Variants in ANO2 observed in about 807,000 individuals in gnomAD.
ANO2 encodes anoctamin-2.
In ANO2, 101 loss-of-function variants were observed where a neutral mutation model predicts 124.2. The ratio of observed to expected loss-of-function variants is 0.81; its 90% CI spans 0.69 to 0.96. The LOEUF is 0.96. Among genes scored for constraint, ANO2 ranks in the 40% least tolerant of loss-of-function variants. The pLI is 0.00. For missense variants in ANO2, 1,293 were observed against 1,274.5 expected (o/e 1.01, Z -0.22); for synonymous variants, 486 against 482.5 (o/e 1.01, Z -0.09).
At chr12:5,901,889 T>G (rs1163225289) in intron 3 of ANO2, among the ~76,000 whole-genome samples, 1 of 152,220 alleles carries the variant, frequency 6.6e-6, no homozygotes, top group Non-Finnish European at 1.5e-5. Flanking sequence ...CAATTCCCCA[T>G]GTACATTAGA....
chr12:5,808,870 G>C (rs1049864723), intron 7 of ANO2, among the ~76,000 whole-genome samples: 1 of 152,002 alleles, frequency 6.6e-6, no homozygotes, highest in South Asian at 2.1e-4. Context: ...CTCAAACCTC[G>C]CCCCCATTTG....
chr12:5,692,842 A>C (rs1949002047), intron 14 of ANO2, among the ~76,000 whole-genome samples: 1 of 152,194 alleles, frequency 6.6e-6, no homozygotes, highest in African/African-American at 2.4e-5. Context: ...GAAAAGAGAG[A>C]CTGAGAACAA....
intron 9 of ANO2, among the ~76,000 whole-genome samples, chr12:5,801,986 C>G (rs1276616676): frequency 6.6e-6 from 1 of 152,172 alleles, no homozygotes; most frequent in Non-Finnish European, 1.5e-5. Flanking sequence ...GCAGGCAGGG[C>G]ACCCCCTCGA....
chr12:5,746,112 C>CT (rs1404801601), intron 11 of ANO2, among the ~76,000 whole-genome samples: 2 of 152,176 alleles, frequency 1.3e-5, no homozygotes, highest in African/African-American at 2.4e-5. Context: ...GCGGTTTTTT[C>CT]TTTTAAGCAT....
At chr12:5,595,240 T>G (rs1456399526) in intron 20 of ANO2, among the ~76,000 whole-genome samples, 1 of 152,096 alleles carries the variant, frequency 6.6e-6, no homozygotes, top group Non-Finnish European at 1.5e-5. Flanking sequence ...ACTCTGTCAC[T>G]TAGGCTGGAG....
At chr12:5,729,287 T>C (rs1950547909) in intron 14 of ANO2, among the ~76,000 whole-genome samples, 1 of 152,114 alleles carries the variant, frequency 6.6e-6, no homozygotes, top group South Asian at 2.1e-4. Flanking sequence ...ATTCCAAATA[T>C]AAAAACAACT....
chr12:5,730,118 G>C (rs961451699), intron 14 of ANO2, among the ~76,000 whole-genome samples: 1 of 151,262 alleles, frequency 6.6e-6, no homozygotes, highest in African/African-American at 2.4e-5. Flanking sequence ...ATATTGAATT[G>C]TGCATATATA....
chr12:5,885,485 T>C (rs947138592), intron 3 of ANO2, among the ~76,000 whole-genome samples: 1 of 152,256 alleles, frequency 6.6e-6, no homozygotes, highest in Non-Finnish European at 1.5e-5. Flanking sequence ...TATTAGGCAC[T>C]GTACTAAGGG....
chr12:5,568,831 G>C (rs983362642), intron 23 of ANO2, among the ~76,000 whole-genome samples: 7 of 152,186 alleles, frequency 4.6e-5, no homozygotes, highest in Admixed American at 6.5e-5. Flanking sequence ...CTGTCCTCTT[G>C]CAAGTTACCT....
At chr12:5,784,177 C>T (rs149379805) in intron 10 of ANO2, among the ~76,000 whole-genome samples, 1 of 152,166 alleles carries the variant, frequency 6.6e-6, no homozygotes, top group East Asian at 1.9e-4. Flanking sequence ...GAATGTCCAT[C>T]CCCCTCTCTA....
intron 7 of ANO2, among the ~76,000 whole-genome samples, chr12:5,812,278 G>A (rs1953414668): frequency 8.4e-6 from 1 of 119,142 alleles, no homozygotes; most frequent in African/African-American, 3.1e-5. Flanking sequence ...AGAAGGGAGG[G>A]AAACACAGGG....
At chr12:5,887,662 A>G (rs1314985141) in intron 3 of ANO2, among the ~76,000 whole-genome samples, 1 of 152,188 alleles carries the variant, frequency 6.6e-6, no homozygotes, top group Non-Finnish European at 1.5e-5. Context: ...CGAAATAAAG[A>G]AGGAAGGAGA....
Position 5,732,591 on chromosome 12 carries a change from T to G in ANO2, c.1474A>C (p.Lys492Gln), listed in dbSNP as rs1950687346. Residue 492 changes from lysine (K) to glutamine (Q), a missense_variant, in exon 14 of 25, where the codon AAA (lysine) becomes CAA (glutamine). By Grantham distance (53) the Lys-to-Gln change is moderately conservative. Coordinates refer to ENST00000682330, the MANE Select transcript of ANO2 (RefSeq NM_001364791.2). ...GACTGGTTGCTCTCCTTTAGCATTT[T>G]CTCTCGAACTTTGGTTTCATACTCA... The part of the protein sequence containing the change: ...RPEYETKVRE[K>Q]MLKESNQSAV... 1 of 1,613,944 alleles carries G rather than the reference T, an allele frequency of 6.2e-7. No individual in the cohort carries two copies.
At chr12:5,742,633 G>A (rs1288281239) in intron 12 of ANO2, among the ~76,000 whole-genome samples, 3 of 152,210 alleles carry the variant, frequency 2.0e-5, no homozygotes, top group African/African-American at 7.2e-5. Context: ...TGTGTCCCAA[G>A]AAAGTTCTTG....
chr12:5,649,386 G>C lies in ANO2; in HGVS notation c.1546-1585C>G, dbSNP rs141092632. On this transcript the variant is annotated intron_variant, in intron 14 of 24. Transcript: ENST00000682330. ...ATAGAATCCGGTTGCTAGACTCTTAGCCCAACAGGCTTTCCATCACACAAT... is the reference window on the plus strand; with the variant it reads ...ATAGAATCCGGTTGCTAGACTCTTACCCCAACAGGCTTTCCATCACACAAT... Among the ~76,000 whole-genome samples, 129 of 152,254 alleles carry C rather than the reference G, an allele frequency of 8.5e-4. No homozygotes were observed. In the Middle Eastern group the frequency reaches 0.017, roughly 20 times the overall value.
rs1039118754 is a variant in ANO2 at position 5,769,964 on chromosome 12, C to G, written c.1056-18994G>C. ...ATGGGCAATGTACAAAATTCACAAG[C>G]CTGTGTGGCAGCCCGAGAAGGAGAG... is the stretch of plus-strand genomic sequence containing the variant. On this transcript the variant is annotated intron_variant, in intron 10 of 24. Transcript: ENST00000682330. The surrounding 1 kb of genome is among the most constrained non-coding windows in gnomAD (Gnocchi z 4.0). Among the ~76,000 whole-genome samples the G allele has an allele frequency of 6.6e-6, 1 of 152,156 alleles. No homozygotes were observed. The highest frequency in any genetic ancestry group is 2.4e-5 in the African/African-American group (1 of 41,420).
At chr12:5,816,326 T>TTC (rs1953609327) in intron 7 of ANO2, among the ~76,000 whole-genome samples, 1 of 151,272 alleles carries the variant, frequency 6.6e-6, no homozygotes, top group Non-Finnish European at 1.5e-5. Context: ...CATTCCTCAT[T>TTC]TTTTTTTTAT....
At chr12:5,934,849 T>C (rs527517164) in intron 1 of ANO2, among the ~76,000 whole-genome samples, 72 of 152,296 alleles carry the variant, frequency 4.7e-4, no homozygotes, top group Admixed American at 1.0e-3. Context: ...GTAACCAAGA[T>C]TAAAGATATC....
chr12:5,583,829 T>C, intron 20 of ANO2: 1 of 183,700 alleles, frequency 5.4e-6, no homozygotes, highest in Non-Finnish European at 1.2e-5. Flanking sequence ...TGAAGTGACT[T>C]CAGAGCCAGA....
Sources: allele counts gnomAD v4.1 joint callset (sites outside exome capture counted in the v4.1 genomes callset), GRCh38; gene constraint gnomAD v4.1.1; non-coding constraint Gnocchi (gnomAD v3.1); transcripts MANE v1.5; gene names NCBI Gene and HGNC (gene_info 2026-07-23, HGNC 2026-07-21).